The following KCNJ6 variants were observed in gnomAD, a reference collection of about 807,000 sequenced individuals.
The protein encoded by KCNJ6 is G protein-activated inward rectifier potassium channel 2.
KCNJ6 carries 9 observed loss-of-function variants against 34.2 expected under a neutral mutation model. The ratio of observed to expected loss-of-function variants is 0.26; its 90% CI spans 0.16 to 0.46. The LOEUF (loss-of-function observed/expected upper bound fraction) is 0.46. Ranked by LOEUF, KCNJ6 falls within the 20% of genes least tolerant of loss-of-function variation. The pLI is 1.00. For synonymous variants in KCNJ6, 196 were observed against 207.1 expected (o/e 0.95, Z 0.46); for missense variants, 236 against 531.3 (o/e 0.44, Z 5.46).
intron 1 of KCNJ6, among the ~76,000 whole-genome samples, chr21:37,896,608 G>A (rs1416739613): frequency 6.6e-6 from 1 of 152,208 alleles, no homozygotes; most frequent in Non-Finnish European, 1.5e-5. Context: ...CCTTGGGACT[G>A]TGTTACCACT....
chr21:37,860,563 T>A (rs534243431), intron 1 of KCNJ6, among the ~76,000 whole-genome samples: 162 of 152,278 alleles, frequency 1.1e-3, no homozygotes, highest in Non-Finnish European at 1.8e-3. Flanking sequence ...AAGCTTCAGG[T>A]GGCATGGAGT....
intron 3 of KCNJ6, among the ~76,000 whole-genome samples, chr21:37,688,596 C>T (rs35527608): frequency 0.03 from 4,583 of 152,192 alleles, 241 homozygotes; most frequent in African/African-American, 0.1. Context: ...CCTAGTGAGC[C>T]TAACCTTCGT....
At position 37,619,195 on chromosome 21, in the gene KCNJ6, T is replaced by C. The variant is rs1243111429; in HGVS notation, c.*5964A>G. 2.0e-5 allele frequency: 3 copies of C among 152,184 alleles called. No homozygotes were observed. The highest frequency in any genetic ancestry group is 2.1e-4 in the South Asian group (1 of 4,826). The allele number at this position is 152,184 out of a possible 1,614,324, so 9.4% of individuals were successfully genotyped here. A position where few individuals can be genotyped will look rare whatever the true frequency, so the allele number is the denominator to read the frequency against. On this transcript the variant is annotated 3_prime_UTR_variant, in exon 4 of 4. Coordinates refer to ENST00000609713, the MANE Select transcript of KCNJ6 (RefSeq NM_002240.5). ...TAAGAGAACTTGATATGTTTTTCCA[T>C]AGAACTAAAAAGATAAGGAACCTAG... is the stretch of plus-strand genomic sequence containing the variant.
intron 3 of KCNJ6, among the ~76,000 whole-genome samples, chr21:37,710,987 T>C (rs546800690): frequency 5.3e-4 from 80 of 152,346 alleles, no homozygotes; most frequent in African/African-American, 1.8e-3. Flanking sequence ...TCGCCTGGCA[T>C]GTCCCTCCTG....
At chr21:37,626,342 C>G (rs965218516) in intron 3 of KCNJ6, among the ~76,000 whole-genome samples, 4 of 152,094 alleles carry the variant, frequency 2.6e-5, no homozygotes, top group Non-Finnish European at 4.4e-5. Flanking sequence ...TCGTGTTGCC[C>G]AGGCTGTTTA....
chr21:37,851,673 CTCT>C (rs1303870955), intron 1 of KCNJ6, among the ~76,000 whole-genome samples: 1 of 152,038 alleles, frequency 6.6e-6, no homozygotes, highest in African/African-American at 2.4e-5. Context: ...GTTCTTTTAT[CTCT>C]TCTTTTTTTT....
chr21:37,896,028 G>A (rs747850741), intron 1 of KCNJ6, among the ~76,000 whole-genome samples: 3 of 152,196 alleles, frequency 2.0e-5, no homozygotes, highest in Non-Finnish European at 4.4e-5. Flanking sequence ...GGCTGCACAG[G>A]AAGAATGATG....
intron 1 of KCNJ6, among the ~76,000 whole-genome samples, chr21:37,850,967 T>G (rs2055534516): frequency 2.0e-5 from 3 of 152,212 alleles, no homozygotes; most frequent in Admixed American, 2.0e-4. Flanking sequence ...AATTGATTGA[T>G]TGATTCATTC....
intron 2 of KCNJ6, among the ~76,000 whole-genome samples, chr21:37,715,347 C>T (rs1360970257): frequency 6.6e-6 from 1 of 152,200 alleles, no homozygotes; most frequent in Non-Finnish European, 1.5e-5. Flanking sequence ...AAGTACTTCA[C>T]CATCCTGCCC....
chr21:37,710,681 T>C (rs1431287843), intron 3 of KCNJ6, among the ~76,000 whole-genome samples: 1 of 152,218 alleles, frequency 6.6e-6, no homozygotes, highest in Non-Finnish European at 1.5e-5. Flanking sequence ...GGCTGTCATC[T>C]TGCCTCGAGG....
intron 2 of KCNJ6, among the ~76,000 whole-genome samples, chr21:37,790,679 G>T (rs2055212605): frequency 6.6e-6 from 1 of 152,178 alleles, no homozygotes; most frequent in African/African-American, 2.4e-5. Flanking sequence ...ACCTGTAGGG[G>T]ACCTATATGT....
In KCNJ6 at chr21:37,623,408, C is replaced by G. The variant is rs1165789028; in HGVS notation, c.*1751G>C. 6.6e-6 allele frequency: 1 copy of G among 152,156 alleles called. No individual in the cohort carries two copies. Among genetic ancestry groups the G allele is most frequent in the African/African-American group, 2.4e-5 (1 of 41,440 alleles). 9.4% of individuals were successfully genotyped at this position (152,156 alleles called of 1,614,324 possible). A position where few individuals can be genotyped will look rare whatever the true frequency, so the allele number is the denominator to read the frequency against. On this transcript the variant is annotated 3_prime_UTR_variant, in exon 4 of 4. Coordinates refer to ENST00000609713, the MANE Select transcript of KCNJ6 (RefSeq NM_002240.5). ...CTCAAACTGAGCACAGCTGTAGGAG[C>G]TGAAAATAAACTTGGATCCATTCAA... is the stretch of plus-strand genomic sequence containing the variant.
At chr21:37,735,320 C>T (rs749560993) in intron 2 of KCNJ6, among the ~76,000 whole-genome samples, 4 of 152,200 alleles carry the variant, frequency 2.6e-5, no homozygotes, top group African/African-American at 4.8e-5. Context: ...CAGCCTGAGG[C>T]TGGGATTACC....
At chr21:37,797,405 A>G (rs1211000459) in intron 2 of KCNJ6, among the ~76,000 whole-genome samples, 1 of 152,222 alleles carries the variant, frequency 6.6e-6, no homozygotes, top group African/African-American at 2.4e-5. Flanking sequence ...AGTTATAAAC[A>G]ATGAAACAAA....
chr21:37,719,677 T>G (rs2054814149), intron 2 of KCNJ6: 1 of 152,248 alleles, frequency 6.6e-6, no homozygotes, highest in South Asian at 2.1e-4. Flanking sequence ...CTCTCTTTTG[T>G]TTCTTTCTCC....
chr21:37,867,226 T>A (rs185537469), intron 1 of KCNJ6, among the ~76,000 whole-genome samples: 1 of 152,366 alleles, frequency 6.6e-6, no homozygotes, highest in East Asian at 1.9e-4. Flanking sequence ...GTCATGATTT[T>A]ACGCTATTTA....
Position 37,702,516 on chromosome 21 carries a change from C to A in KCNJ6, c.946+11695G>T, listed in dbSNP as rs530662572. ...CTGGGGAAGATGAAGAGCCGAACAG[C>A]CTCTAGAGGACTTGGGAAATCTCTA... is the stretch of plus-strand genomic sequence containing the variant. On this transcript the variant is annotated intron_variant, in intron 3 of 3. Coordinates refer to ENST00000609713, the MANE Select transcript of KCNJ6 (RefSeq NM_002240.5). 2.0e-5 allele frequency among the ~76,000 whole-genome samples: 3 copies of A among 152,254 alleles called. No individual in the cohort carries two copies. The East Asian group carries it at 5.8e-4, about 29-fold the overall frequency.
At chr21:37,870,588 A>AT (rs754356092) in intron 1 of KCNJ6, among the ~76,000 whole-genome samples, 5,872 of 150,750 alleles carry the variant, frequency 0.039, 360 homozygotes, top group African/African-American at 0.13. Context: ...ACAATTCAAA[A>AT]TTTTGTTTTT....
intron 3 of KCNJ6, among the ~76,000 whole-genome samples, chr21:37,673,872 C>T (rs2054552729): frequency 1.3e-5 from 2 of 152,118 alleles, no homozygotes; most frequent in African/African-American, 4.8e-5. Context: ...GGCTGCACAT[C>T]GGAGACACCT....
Sources: gnomAD v4.1 joint callset for allele counts (sites outside exome capture counted in the v4.1 genomes callset) on GRCh38, gnomAD v4.1.1 for gene constraint, MANE v1.5 for transcripts, NCBI Gene and HGNC (gene_info 2026-07-23, HGNC 2026-07-21) for gene names.